Variants in DNER observed in about 807,000 individuals in gnomAD.
The protein encoded by DNER is delta and Notch-like epidermal growth factor-related receptor.
In DNER, 33 loss-of-function variants were observed where a neutral mutation model predicts 78.2. The ratio of observed to expected loss-of-function variants is 0.42; its 90% CI spans 0.32 to 0.56. The LOEUF is 0.56. DNER is among the 20% of genes least tolerant of loss of function. DNER has a pLI of 0.11. For missense variants in DNER, 918 were observed against 975.3 expected, an observed-to-expected ratio of 0.94 and a Z score of 0.78; for synonymous variants, 417 against 384.8, an observed-to-expected ratio of 1.08 and a Z score of -0.98.
chr2:229,593,733 C>G (rs977636063), intron 1 of DNER, among the ~76,000 whole-genome samples: 1 of 152,198 alleles, frequency 6.6e-6, no homozygotes, highest in Admixed American at 6.5e-5. Flanking sequence ...CCTTGTGGAA[C>G]GGGTGTCACC....
intron 1 of DNER, among the ~76,000 whole-genome samples, chr2:229,631,913 G>A (rs1373702314): frequency 1.3e-5 from 2 of 152,162 alleles, no homozygotes; most frequent in Non-Finnish European, 2.9e-5. Context: ...ACTGGCACAC[G>A]GAGCTCAAAT....
chr2:229,609,786 A>G lies in DNER; in HGVS notation c.277-17898T>C, dbSNP rs146856982. On this transcript the variant is annotated intron_variant, in intron 1 of 12. Transcript: ENST00000341772. ...AGGCAAGGACGATTTTCTTCTGTGG[A>G]TTGTACATTCTACTTTTTATAGCTT... 4.7e-3 allele frequency among the ~76,000 whole-genome samples: 719 copies of G among 152,292 alleles called. 4 individuals are homozygous for G. The highest frequency in any genetic ancestry group is 0.014 in the Middle Eastern group (4 of 294).
intron 5 of DNER, among the ~76,000 whole-genome samples, chr2:229,539,836 G>A (rs1696478117): frequency 6.6e-6 from 1 of 152,134 alleles, no homozygotes; most frequent in Non-Finnish European, 1.5e-5. Flanking sequence ...TCTCAGAAAT[G>A]TACTTGCAAA....
chr2:229,638,591 G>A (rs1354415131), intron 1 of DNER, among the ~76,000 whole-genome samples: 3 of 152,096 alleles, frequency 2.0e-5, no homozygotes, highest in Non-Finnish European at 4.4e-5. Context: ...CAGAAAGAGA[G>A]ACCTAAAAAG....
rs183749615 is a variant in DNER at position 229,404,406 on chromosome 2, C to A, written c.1723+2826G>T. On this transcript the variant is annotated intron_variant, in intron 10 of 12. Coordinates refer to ENST00000341772, the MANE Select transcript of DNER (RefSeq NM_139072.4). The stretch of plus-strand genomic sequence containing the variant: ...GGGGAAATGCCAGCTACTTATAAAA[C>A]CATCAGATCTCATGAGTACTCACTC... Among the ~76,000 whole-genome samples, 10 of 140,522 alleles carry A rather than the reference C, an allele frequency of 7.1e-5. No homozygotes were observed. In the East Asian group the frequency reaches 1.8e-3, roughly 25 times the overall value. 92.2% of individuals were successfully genotyped at this position (140,522 alleles called of 152,430 possible).
At chr2:229,707,279 T>C (rs1205355677) in intron 1 of DNER, among the ~76,000 whole-genome samples, 4 of 149,194 alleles carry the variant, frequency 2.7e-5, no homozygotes, top group African/African-American at 9.9e-5. Context: ...AGGTGATCCA[T>C]CTGCCTCAGT....
intron 11 of DNER, among the ~76,000 whole-genome samples, chr2:229,379,575 CA>C (rs1273674587): frequency 6.6e-6 from 1 of 152,130 alleles, no homozygotes; most frequent in African/African-American, 2.4e-5. Flanking sequence ...CCTGACTTTT[CA>C]TCTATACTCT....
intron 1 of DNER, among the ~76,000 whole-genome samples, chr2:229,679,343 C>T (rs1468601818): frequency 3.3e-5 from 5 of 152,134 alleles, no homozygotes; most frequent in Admixed American, 2.0e-4. Flanking sequence ...AGGAGCTCAG[C>T]AAGTAGTTAT....
chr2:229,682,262 A>G (rs1021776661), intron 1 of DNER, among the ~76,000 whole-genome samples: 1 of 152,236 alleles, frequency 6.6e-6, no homozygotes, highest in Non-Finnish European at 1.5e-5. Context: ...GAAACTTCCT[A>G]AGAAACCTTG....
intron 1 of DNER, among the ~76,000 whole-genome samples, chr2:229,596,994 C>T (rs572775487): frequency 2.9e-4 from 42 of 146,458 alleles, no homozygotes; most frequent in Middle Eastern, 3.6e-3. Context: ...CACATGCACA[C>T]GCACACATAT....
At chr2:229,554,951 G>GAGAA in intron 4 of DNER, among the ~76,000 whole-genome samples, 1 of 109,782 alleles carries the variant, frequency 9.1e-6, no homozygotes, top group Non-Finnish European at 1.9e-5. Flanking sequence ...AAAGGGAAGG[G>GAGAA]AAGGGAAGGG....
chr2:229,548,309 A>G (rs1356520285), intron 4 of DNER, among the ~76,000 whole-genome samples: 3 of 152,232 alleles, frequency 2.0e-5, no homozygotes, highest in African/African-American at 4.8e-5. Context: ...TTAAAGTGGC[A>G]CTATTCACAA....
At chr2:229,665,089 T>C (rs542627478) in intron 1 of DNER, among the ~76,000 whole-genome samples, 33 of 152,224 alleles carry the variant, frequency 2.2e-4, no homozygotes, top group Non-Finnish European at 1.3e-4. Context: ...TAAACTTCAT[T>C]AGGGCTAATT....
intron 4 of DNER, among the ~76,000 whole-genome samples, chr2:229,561,461 A>G (rs1441981315): frequency 6.6e-6 from 1 of 152,188 alleles, no homozygotes; most frequent in Non-Finnish European, 1.5e-5. Context: ...TTCCTACTTT[A>G]TAAACATCTC....
rs143852035 is a variant in DNER at position 229,571,588 on chromosome 2, A to G, written c.847+14270T>C. Among the ~76,000 whole-genome samples the G allele has an allele frequency of 4.5e-3, 686 of 152,048 alleles. 4 individuals carry two copies. Among genetic ancestry groups the G allele is most frequent in the Middle Eastern group, 0.014 (4 of 294 alleles). On this transcript the variant is annotated intron_variant, in intron 4 of 12. Coordinates refer to ENST00000341772, the MANE Select transcript of DNER (RefSeq NM_139072.4). ...CGGAAGACTCCCACCTCTGCACTCA[A>G]CTTCTACCCCTGGCCTCCCCGTGAA...
chr2:229,448,260 T>G (rs1446379736), intron 7 of DNER, among the ~76,000 whole-genome samples: 1 of 151,990 alleles, frequency 6.6e-6, no homozygotes, highest in Admixed American at 6.6e-5. Context: ...TAAAAGAAGC[T>G]AGGCACGAAA....
At chr2:229,397,992 C>A (rs1693186802) in intron 10 of DNER, among the ~76,000 whole-genome samples, 1 of 151,498 alleles carries the variant, frequency 6.6e-6, no homozygotes, top group African/African-American at 2.4e-5. Context: ...GCAAATTAAG[C>A]CCAAAGCAAA....
chr2:229,671,076 A>G (rs1362933595), intron 1 of DNER, among the ~76,000 whole-genome samples: 2 of 152,336 alleles, frequency 1.3e-5, no homozygotes, highest in African/African-American at 4.8e-5. Flanking sequence ...TTATAATCAG[A>G]AAAAGATAAA....
chr2:229,653,197 A>G (rs1207847511), intron 1 of DNER, among the ~76,000 whole-genome samples: 1 of 152,130 alleles, frequency 6.6e-6, no homozygotes, highest in Non-Finnish European at 1.5e-5. Flanking sequence ...AGATTCGGGG[A>G]GAAAATCACC....
Sources: allele counts gnomAD v4.1 joint callset (sites outside exome capture counted in the v4.1 genomes callset), GRCh38; gene constraint gnomAD v4.1.1; transcripts MANE v1.5; gene names NCBI Gene and HGNC (gene_info 2026-07-23, HGNC 2026-07-21).